Variants in CAMKMT observed in about 807,000 individuals in gnomAD.
The protein encoded by CAMKMT is CaM KMT.
CAMKMT carries 53 observed loss-of-function variants against 48.0 expected under a neutral mutation model. The ratio of observed to expected loss-of-function variants is 1.10; its 90% confidence interval spans 0.89 to 1.39. The LOEUF (loss-of-function observed/expected upper bound fraction) is 1.39. CAMKMT is among the 40% of genes most tolerant of loss of function. CAMKMT has a pLI of 0.00. For synonymous variants in CAMKMT, 165 were observed against 152.3 expected (o/e 1.08, Z -0.61); for missense variants, 428 against 402.7 (o/e 1.06, Z -0.54).
chr2:44,641,842 G>A (rs1181516609), intron 3 of CAMKMT, among the ~76,000 whole-genome samples: 1 of 152,204 alleles, frequency 6.6e-6, no homozygotes, highest in Non-Finnish European at 1.5e-5. Flanking sequence ...ATAGGCGTGA[G>A]CCACCACACC....
At chr2:44,405,071 A>G (rs1682685754) in intron 3 of CAMKMT, among the ~76,000 whole-genome samples, 1 of 152,104 alleles carries the variant, frequency 6.6e-6, no homozygotes, top group Non-Finnish European at 1.5e-5. Context: ...AATGAATGAT[A>G]GATACATGGG....
intron 3 of CAMKMT, among the ~76,000 whole-genome samples, chr2:44,396,540 A>G (rs2104432120): frequency 6.6e-6 from 1 of 152,234 alleles, no homozygotes; most frequent in South Asian, 2.1e-4. Flanking sequence ...AATGATTTTT[A>G]AAAGTGAGAT....
chr2:44,373,039 G>A, intron 2 of CAMKMT, 151 bp downstream of exon 2: 1 of 720,848 alleles, frequency 1.4e-6, no homozygotes, highest in Non-Finnish European at 2.2e-6. Flanking sequence ...AGGAAATCCT[G>A]CTATTTTAAC....
intron 3 of CAMKMT, among the ~76,000 whole-genome samples, chr2:44,545,267 C>G (rs1430820116): frequency 2.0e-5 from 3 of 152,084 alleles, no homozygotes; most frequent in Non-Finnish European, 4.4e-5. Flanking sequence ...CAAAACATTC[C>G]CAGTGATGCT....
chr2:44,531,915 G>C (rs1162623396), intron 3 of CAMKMT, among the ~76,000 whole-genome samples: 1 of 152,090 alleles, frequency 6.6e-6, no homozygotes, highest in Non-Finnish European at 1.5e-5. Context: ...TTCTAGAGGA[G>C]GTTAAGCATT....
At chr2:44,545,119 T>C (rs1667326361) in intron 3 of CAMKMT, among the ~76,000 whole-genome samples, 1 of 152,208 alleles carries the variant, frequency 6.6e-6, no homozygotes, top group Admixed American at 6.5e-5. Flanking sequence ...AATTAGAACT[T>C]AGCAGCTGCT....
rs552197121 is a variant in CAMKMT, at chr2:44,455,246, A to AT, written c.376+64949dup. Among the ~76,000 whole-genome samples the AT allele has an allele frequency of 3.5e-4, 53 of 152,100 alleles. No homozygotes were observed. The South Asian group carries it at 4.4e-3, about 13-fold the overall frequency. ...ATTCCAGGACGAAGCCTAGAGATAG[A>AT]TTTTTTTTAGAAGGAGGCTTATCTC... On this transcript the variant is annotated intron_variant, in intron 3 of 10. Transcript: ENST00000378494.
rs1203296260 is a variant in CAMKMT, at chr2:44,575,237, C to G, written c.377-129046C>G. Among the ~76,000 whole-genome samples, 3 of 152,092 alleles carry G rather than the reference C, an allele frequency of 2.0e-5. No homozygotes were observed. The East Asian group carries it at 5.8e-4, about 29-fold the overall frequency. On this transcript the variant is annotated intron_variant, in intron 3 of 10. Transcript: ENST00000378494. Reference sequence around the variant, plus strand: ...GGAATTACAGGCACATACCACCACTCTCGGCTAATTTTTGTATTTTTAGTA... The same window carrying G: ...GGAATTACAGGCACATACCACCACTGTCGGCTAATTTTTGTATTTTTAGTA...
chr2:44,422,740 G>A (rs897555419), intron 3 of CAMKMT, among the ~76,000 whole-genome samples: 1 of 151,656 alleles, frequency 6.6e-6, no homozygotes, highest in Non-Finnish European at 1.5e-5. Flanking sequence ...GCCAGATGGA[G>A]CATAAATTTT....
chr2:44,440,884 T>C lies in CAMKMT; in HGVS notation c.376+50579T>C, dbSNP rs189786297. ...ATTATTTTTCACAGAATCCCTCTTTTACTTGGTGTAGTCAGAATTCTCCAT... is the reference window on the plus strand; with the variant it reads ...ATTATTTTTCACAGAATCCCTCTTTCACTTGGTGTAGTCAGAATTCTCCAT... On this transcript the variant is annotated intron_variant, in intron 3 of 10. Transcript: ENST00000378494. Among the ~76,000 whole-genome samples the C allele has an allele frequency of 1.4e-3, 215 of 152,304 alleles. No homozygotes were observed. In the Middle Eastern group the frequency reaches 0.017, roughly 12 times the overall value.
intron 3 of CAMKMT, among the ~76,000 whole-genome samples, chr2:44,554,518 G>T (rs1461807324): frequency 1.3e-5 from 2 of 152,118 alleles, no homozygotes; most frequent in Non-Finnish European, 2.9e-5. Context: ...GAAGGATTGT[G>T]TGAAACCTGG....
intron 3 of CAMKMT, among the ~76,000 whole-genome samples, chr2:44,435,145 G>A (rs1254842859): frequency 6.6e-6 from 1 of 152,018 alleles, no homozygotes; most frequent in African/African-American, 2.4e-5. Context: ...CAAGACAATG[G>A]ACAATTTTGT....
intron 3 of CAMKMT, among the ~76,000 whole-genome samples, chr2:44,519,241 A>G (rs1293527240): frequency 6.6e-6 from 1 of 152,214 alleles, no homozygotes; most frequent in Non-Finnish European, 1.5e-5. Context: ...GCTTTCTTCT[A>G]CTGGTGGACA....
At chr2:44,566,698 A>T (rs1668637120) in intron 3 of CAMKMT, among the ~76,000 whole-genome samples, 1 of 152,198 alleles carries the variant, frequency 6.6e-6, no homozygotes, top group Admixed American at 6.5e-5. Context: ...ATTGAAACAA[A>T]TCTAGGCCTC....
At chr2:44,757,553 C>T (rs1680433172) in intron 9 of CAMKMT, among the ~76,000 whole-genome samples, 1 of 150,062 alleles carries the variant, frequency 6.7e-6, no homozygotes, top group South Asian at 2.1e-4. Flanking sequence ...TTGGTAAATA[C>T]AGACTATGGG....
At chr2:44,638,819 C>T (rs909565403) in intron 3 of CAMKMT, among the ~76,000 whole-genome samples, 1 of 152,210 alleles carries the variant, frequency 6.6e-6, no homozygotes, top group Non-Finnish European at 1.5e-5. Context: ...TGACCTTTGT[C>T]TGCTCCAGCA....
intron 3 of CAMKMT, among the ~76,000 whole-genome samples, chr2:44,518,450 G>A (rs1670942430): frequency 6.6e-6 from 1 of 152,192 alleles, no homozygotes; most frequent in Non-Finnish European, 1.5e-5. Flanking sequence ...AACAGCTGAT[G>A]TGAAAGTAGG....
chr2:44,739,155 T>C (rs779990005), intron 7 of CAMKMT, among the ~76,000 whole-genome samples: 2 of 152,204 alleles, frequency 1.3e-5, no homozygotes, highest in Non-Finnish European at 2.9e-5. Flanking sequence ...CATGATCTGA[T>C]ACATGTTTTA....
intron 3 of CAMKMT, chr2:44,394,975 A>G (rs1463876792): frequency 1.8e-5 from 8 of 451,900 alleles, no homozygotes; most frequent in Admixed American, 4.8e-5. Flanking sequence ...CCTGGGCAAT[A>G]TAGCAAGACT....
Sources: gnomAD v4.1 joint callset for allele counts (sites outside exome capture counted in the v4.1 genomes callset) on GRCh38, gnomAD v4.1.1 for gene constraint, MANE v1.5 for transcripts, NCBI Gene and HGNC (gene_info 2026-07-23, HGNC 2026-07-21) for gene names.